Variants in EYS observed in about 807,000 individuals in gnomAD.
EYS encodes protein eyes shut homolog.
In EYS, 250 loss-of-function variants were observed where a neutral mutation model predicts 282.1. That is an observed-to-expected ratio of 0.89 (90% CI 0.80 to 0.98). EYS has a LOEUF of 0.98. Ranked by LOEUF, EYS falls within the 50% of genes least tolerant of loss-of-function variation. EYS has a pLI of 0.00. For synonymous variants in EYS, 1,355 were observed against 1,282.9 expected, an observed-to-expected ratio of 1.06 and a Z score of -1.20; for missense variants, 4,016 against 3,709.0, an observed-to-expected ratio of 1.08 and a Z score of -2.15.
At chr6:65,332,762 T>C (rs1769842466) in intron 11 of EYS, among the ~76,000 whole-genome samples, 1 of 151,382 alleles carries the variant, frequency 6.6e-6, no homozygotes, top group Admixed American at 6.6e-5. Context: ...CATCTAGCCA[T>C]GAACATTTCA....
At chr6:64,741,181 C>T (rs1450557316) in intron 22 of EYS, among the ~76,000 whole-genome samples, 1 of 152,102 alleles carries the variant, frequency 6.6e-6, no homozygotes, top group African/African-American at 2.4e-5. Flanking sequence ...GATCCATGGG[C>T]TTCAGAAGGG....
At chr6:64,800,855 A>G (rs1774522554) in intron 22 of EYS, among the ~76,000 whole-genome samples, 1 of 152,070 alleles carries the variant, frequency 6.6e-6, no homozygotes, top group Admixed American at 6.5e-5. Flanking sequence ...TATATTTTTG[A>G]AAATAATGAA....
intron 22 of EYS, among the ~76,000 whole-genome samples, chr6:64,694,157 T>G (rs1238496206): frequency 6.6e-6 from 1 of 152,142 alleles, no homozygotes; most frequent in Non-Finnish European, 1.5e-5. Context: ...GTTGTTGGGT[T>G]TTTTCCCCAA....
chr6:63,849,668 A>G (rs1455360991), intron 36 of EYS, among the ~76,000 whole-genome samples: 1 of 152,184 alleles, frequency 6.6e-6, no homozygotes, highest in African/African-American at 2.4e-5. Flanking sequence ...ACCCCATCCA[A>G]AGGTCAATAG....
intron 5 of EYS, among the ~76,000 whole-genome samples, chr6:65,423,537 A>G (rs1767546843): frequency 6.6e-6 from 1 of 151,956 alleles, no homozygotes; most frequent in Admixed American, 6.6e-5. Flanking sequence ...TACATTAGGT[A>G]TCATAAATTG....
chr6:64,999,483 A>G (rs1771387748), intron 13 of EYS, among the ~76,000 whole-genome samples: 1 of 152,166 alleles, frequency 6.6e-6, no homozygotes, highest in African/African-American at 2.4e-5. Context: ...TGCTGGGTAG[A>G]GGAGGGCGTG....
At chr6:64,163,331 A>G (rs530884637) in intron 31 of EYS, among the ~76,000 whole-genome samples, 1 of 152,218 alleles carries the variant, frequency 6.6e-6, no homozygotes, top group South Asian at 2.1e-4. Context: ...TTGACTTTTT[A>G]TGCCTTCTTA....
At chr6:64,596,540 G>A (rs1468292766) in intron 24 of EYS, among the ~76,000 whole-genome samples, 2 of 152,238 alleles carry the variant, frequency 1.3e-5, no homozygotes, top group East Asian at 1.9e-4. Context: ...GAACAGAATA[G>A]AGAAGAAAGA....
chr6:64,782,321 A>G (rs574267635), intron 22 of EYS, among the ~76,000 whole-genome samples: 1 of 152,330 alleles, frequency 6.6e-6, no homozygotes, highest in South Asian at 2.1e-4. Context: ...ATTTTAGAGG[A>G]AACAAATGTG....
At chr6:65,268,685 AT>A (rs1407084213) in intron 12 of EYS, among the ~76,000 whole-genome samples, 1 of 152,082 alleles carries the variant, frequency 6.6e-6, no homozygotes, top group African/African-American at 2.4e-5. Context: ...AATGTAAGGG[AT>A]TGTATCATTC....
intron 30 of EYS, among the ~76,000 whole-genome samples, chr6:64,257,680 CCAAAT>C (rs1446528350): frequency 6.6e-6 from 1 of 151,804 alleles, no homozygotes; most frequent in Non-Finnish European, 1.5e-5. Context: ...TTCCCCAACA[CCAAAT>C]CAAGAAGTGA....
chr6:65,166,030 A>G (rs1041565756), intron 12 of EYS, among the ~76,000 whole-genome samples: 1 of 151,206 alleles, frequency 6.6e-6, no homozygotes, highest in Admixed American at 6.6e-5. Context: ...AAATATAATC[A>G]AAAGTAATAT....
chr6:64,456,854 G>A (rs7740343), intron 26 of EYS, among the ~76,000 whole-genome samples: 3,711 of 151,696 alleles, frequency 0.024, 143 homozygotes, highest in African/African-American at 0.085. Flanking sequence ...AATTGTTAAG[G>A]CTATAAATTT....
At chr6:64,817,455 A>C (rs548784110) in intron 21 of EYS, among the ~76,000 whole-genome samples, 1 of 152,306 alleles carries the variant, frequency 6.6e-6, no homozygotes, top group African/African-American at 2.4e-5. Flanking sequence ...TACAGTCCAC[A>C]CTCAGAGAAA....
At chr6:64,193,927 T>A (rs554367123) in intron 31 of EYS, among the ~76,000 whole-genome samples, 1 of 152,176 alleles carries the variant, frequency 6.6e-6, no homozygotes, top group Non-Finnish European at 1.5e-5. Context: ...TGGTTCCAAG[T>A]CTTTGGTATT....
At chr6:64,545,782 G>A (rs1180073223) in intron 26 of EYS, among the ~76,000 whole-genome samples, 1 of 152,120 alleles carries the variant, frequency 6.6e-6, no homozygotes, top group Non-Finnish European at 1.5e-5. Context: ...TTGTTTCAAA[G>A]AGAATAAAAT....
At chr6:65,225,838 G>A (rs137882181) in intron 12 of EYS, among the ~76,000 whole-genome samples, 64 of 151,622 alleles carry the variant, frequency 4.2e-4, no homozygotes, top group African/African-American at 1.5e-3. Context: ...AAAATCCAAT[G>A]CACTTTTGTA....
At chr6:64,514,538 T>C (rs1777503653) in intron 26 of EYS, among the ~76,000 whole-genome samples, 1 of 151,900 alleles carries the variant, frequency 6.6e-6, no homozygotes, top group Non-Finnish European at 1.5e-5. Flanking sequence ...GGCATAAGGT[T>C]TGAGAAATTA....
At chr6:65,447,576 T>C (rs1388293253) in intron 5 of EYS, among the ~76,000 whole-genome samples, 1 of 144,126 alleles carries the variant, frequency 6.9e-6, no homozygotes, top group Admixed American at 7.3e-5. Context: ...TCTTTGTATT[T>C]TTTTATTTGA....
Sources: gnomAD v4.1 joint callset for allele counts (sites outside exome capture counted in the v4.1 genomes callset) on GRCh38, gnomAD v4.1.1 for gene constraint, MANE v1.5 for transcripts, NCBI Gene and HGNC (gene_info 2026-07-23, HGNC 2026-07-21) for gene names.